The following IQCM variants were observed in gnomAD, a reference collection of about 807,000 sequenced individuals.
The protein encoded by IQCM is IQ domain-containing protein M.
IQCM carries 45 observed loss-of-function variants against 57.6 expected under a neutral mutation model. The ratio of observed to expected loss-of-function variants is 0.78; its 90% CI spans 0.62 to 1.00. IQCM has a LOEUF of 1.00. Among genes scored for constraint, IQCM ranks in the 50% least tolerant of loss-of-function variants. The pLI, the probability that IQCM is intolerant of heterozygous loss-of-function variation, is 0.00. For synonymous variants in IQCM, 148 were observed against 158.9 expected, an observed-to-expected ratio of 0.93 and a Z score of 0.51; for missense variants, 468 against 511.6, an observed-to-expected ratio of 0.91 and a Z score of 0.82.
chr4:149,673,508 A>G lies in IQCM; in HGVS notation c.565+8610T>C, dbSNP rs953546686. Among the ~76,000 whole-genome samples, 3 of 152,034 alleles carry G rather than the reference A, an allele frequency of 2.0e-5. No homozygotes were observed. The East Asian group carries it at 5.8e-4, about 29-fold the overall frequency. On this transcript the variant is annotated intron_variant, in intron 7 of 13. Transcript: ENST00000636793. ...ATAAAACAGACTTTAAACCAACAAA[A>G]ATCAAAAGAGACAAAGAAGGCCATT... is the stretch of plus-strand genomic sequence containing the variant.
chr4:149,625,374 T>C (rs996630242), intron 7 of IQCM, among the ~76,000 whole-genome samples: 4 of 152,156 alleles, frequency 2.6e-5, no homozygotes, highest in Non-Finnish European at 5.9e-5. Flanking sequence ...GTAATATATT[T>C]CCCTCACCCA....
intron 5 of IQCM, among the ~76,000 whole-genome samples, chr4:149,707,749 T>C (rs2149824871): frequency 6.6e-6 from 1 of 152,142 alleles, no homozygotes; most frequent in South Asian, 2.1e-4. Context: ...TAATGAGTCC[T>C]GACTGTGTCT....
At chr4:149,442,877 G>T (rs891669910) in intron 12 of IQCM, among the ~76,000 whole-genome samples, 1 of 150,914 alleles carries the variant, frequency 6.6e-6, no homozygotes, top group African/African-American at 2.4e-5. Context: ...ATCTATATTA[G>T]TCAGTGTTCA....
At chr4:149,453,365 C>T (rs956027338) in intron 12 of IQCM, among the ~76,000 whole-genome samples, 1 of 151,052 alleles carries the variant, frequency 6.6e-6, no homozygotes, top group Non-Finnish European at 1.5e-5. Context: ...AACTGCACTT[C>T]GACAAAAACA....
chr4:149,604,667 G>A (rs1754617311), intron 8 of IQCM, among the ~76,000 whole-genome samples: 1 of 152,244 alleles, frequency 6.6e-6, no homozygotes, highest in South Asian at 2.1e-4. Flanking sequence ...ATGAAAACAA[G>A]CTAATTAGTG....
At chr4:149,468,138 T>C (rs539880003) in intron 12 of IQCM, among the ~76,000 whole-genome samples, 3 of 152,204 alleles carry the variant, frequency 2.0e-5, no homozygotes, top group South Asian at 2.1e-4. Flanking sequence ...TCACTGGGGC[T>C]TGTCAGACAG....
In IQCM at chr4:149,418,378, G is replaced by A. The variant is rs144556555; in HGVS notation, c.1390+15018C>T. ...GTTCCTGGACACATACACCCTCCCA[G>A]GACTGAACCAGGAAGAAGTTGAATC... On this transcript the variant is annotated intron_variant, in intron 13 of 13. Transcript: ENST00000636793. 1.4e-3 allele frequency among the ~76,000 whole-genome samples: 214 copies of A among 151,886 alleles called. 1 individual carries two copies. Among genetic ancestry groups the A allele is most frequent in the Non-Finnish European group, 4.6e-4 (31 of 67,892 alleles).
At chr4:149,756,201 C>A (rs1470560244) in intron 2 of IQCM, among the ~76,000 whole-genome samples, 1 of 152,166 alleles carries the variant, frequency 6.6e-6, no homozygotes, top group East Asian at 1.9e-4. Context: ...CTGATGTATA[C>A]CCCCCGCCGT....
At chr4:149,355,474 A>G (rs1266787637) in intron 13 of IQCM, among the ~76,000 whole-genome samples, 1 of 137,084 alleles carries the variant, frequency 7.3e-6, no homozygotes, top group Admixed American at 8.9e-5. Flanking sequence ...ATTCCCACCT[A>G]TGACTGAGAA....
intron 12 of IQCM, among the ~76,000 whole-genome samples, chr4:149,531,987 T>C (rs541435068): frequency 2.0e-5 from 3 of 152,124 alleles, no homozygotes; most frequent in Non-Finnish European, 2.9e-5. Context: ...CATAAGAGGG[T>C]AGCTTTGCCT....
chr4:149,633,167 CAAAAAAAAAAAAA>C (rs71596216), intron 7 of IQCM, among the ~76,000 whole-genome samples: 1 of 22,942 alleles, frequency 4.4e-5, no homozygotes, highest in Non-Finnish European at 7.7e-5. Flanking sequence ...GACTCCGTCT[CAAAAAAAAAAAAA>C]AAAAAAAAAA....
At chr4:149,621,547 C>CT (rs1025681106) in intron 7 of IQCM, among the ~76,000 whole-genome samples, 4 of 151,178 alleles carry the variant, frequency 2.6e-5, no homozygotes, top group African/African-American at 4.9e-5. Flanking sequence ...ACATCAACTT[C>CT]TTTTTTTTTA....
intron 13 of IQCM, among the ~76,000 whole-genome samples, chr4:149,361,815 A>C (rs1729512259): frequency 6.6e-6 from 1 of 152,208 alleles, no homozygotes; most frequent in Non-Finnish European, 1.5e-5. Context: ...CAGAGTCCCT[A>C]CTGGGGCACA....
At chr4:149,368,768 A>G (rs13122665) in intron 13 of IQCM, among the ~76,000 whole-genome samples, 1,283 of 111,120 alleles carry the variant, frequency 0.012, 6 homozygotes, top group African/African-American at 0.018. Flanking sequence ...ATATATATAT[A>G]TACATATATA....
chr4:149,454,302 A>G (rs532784089), intron 12 of IQCM, among the ~76,000 whole-genome samples: 1 of 151,922 alleles, frequency 6.6e-6, no homozygotes, highest in South Asian at 2.1e-4. Context: ...ATAGAGTGAG[A>G]TCATGTCCTT....
At chr4:149,479,296 A>AAC (rs796678361) in intron 12 of IQCM, among the ~76,000 whole-genome samples, 1 of 152,206 alleles carries the variant, frequency 6.6e-6, no homozygotes, top group East Asian at 1.9e-4. Flanking sequence ...CAGAGGGAAA[A>AAC]ACACCATTCT....
At chr4:149,762,516 C>A (rs993733334) in intron 2 of IQCM, among the ~76,000 whole-genome samples, 1 of 151,914 alleles carries the variant, frequency 6.6e-6, no homozygotes, top group Admixed American at 6.6e-5. Flanking sequence ...GGAGAGCAGG[C>A]CCTTACTTAC....
At chr4:149,512,318 T>C (rs1408440908) in intron 12 of IQCM, among the ~76,000 whole-genome samples, 1 of 152,158 alleles carries the variant, frequency 6.6e-6, no homozygotes, top group African/African-American at 2.4e-5. Context: ...GAAAATGGTA[T>C]AGAAATTGGG....
chr4:149,412,335 C>A (rs754426758), intron 13 of IQCM, among the ~76,000 whole-genome samples: 2 of 152,078 alleles, frequency 1.3e-5, no homozygotes, highest in East Asian at 3.9e-4. Flanking sequence ...ATTATAATAT[C>A]TTTTTATTTT....
Sources: gnomAD v4.1 joint callset for allele counts (sites outside exome capture counted in the v4.1 genomes callset) on GRCh38, gnomAD v4.1.1 for gene constraint, MANE v1.5 for transcripts, NCBI Gene and HGNC (gene_info 2026-07-23, HGNC 2026-07-21) for gene names.